NTM: variants seen among roughly 807,000 people sequenced by gnomAD.
NTM encodes IgLON family member 2.
In NTM, 13 loss-of-function variants were observed where a neutral mutation model predicts 42.1. The observed-to-expected ratio is 0.31, with a 90% CI of 0.20 to 0.49. The LOEUF is 0.49. Ranked by LOEUF, NTM falls within the 20% of genes least tolerant of loss-of-function variation. The pLI is 0.99. For missense variants in NTM, 373 were observed against 452.8 expected (o/e 0.82, Z 1.60); for synonymous variants, 187 against 179.2 (o/e 1.04, Z -0.35).
chr11:132,211,323 A>G (rs763579835), intron 3 of NTM, among the ~76,000 whole-genome samples: 1 of 152,204 alleles, frequency 6.6e-6, no homozygotes, highest in African/African-American at 2.4e-5. Context: ...TTGTTTGAGC[A>G]TGGGAGGTCA....
intron 2 of NTM, among the ~76,000 whole-genome samples, chr11:132,052,256 T>G (rs183967373): frequency 1.3e-5 from 2 of 152,344 alleles, no homozygotes; most frequent in Admixed American, 6.5e-5. Flanking sequence ...CAGGAATAAC[T>G]GACATGAATG....
intron 1 of NTM, among the ~76,000 whole-genome samples, chr11:131,608,122 C>A (rs1235895157): frequency 6.6e-6 from 1 of 152,106 alleles, no homozygotes; most frequent in East Asian, 1.9e-4. Context: ...GTTCAATTCC[C>A]ACCTATGAGT....
At chr11:131,832,627 G>C (rs1482219344) in intron 1 of NTM, among the ~76,000 whole-genome samples, 1 of 152,130 alleles carries the variant, frequency 6.6e-6, no homozygotes, top group East Asian at 1.9e-4. Context: ...GTCTGGCATT[G>C]GGGTTCTTGG....
intron 1 of NTM, among the ~76,000 whole-genome samples, chr11:131,807,247 CTT>C (rs1281289850): frequency 1.3e-5 from 2 of 152,180 alleles, no homozygotes; most frequent in African/African-American, 4.8e-5. Context: ...GGAATCCAGA[CTT>C]TATTTGATAG....
At chr11:131,892,530 T>A (rs1235532693) in intron 1 of NTM, among the ~76,000 whole-genome samples, 2 of 152,220 alleles carry the variant, frequency 1.3e-5, no homozygotes, top group Non-Finnish European at 2.9e-5. Flanking sequence ...GCCCCCTACT[T>A]TTCTCTGTGT....
At chr11:131,658,555 G>A (rs1265674981) in intron 1 of NTM, among the ~76,000 whole-genome samples, 1 of 152,220 alleles carries the variant, frequency 6.6e-6, no homozygotes, top group Non-Finnish European at 1.5e-5. Context: ...GACGAGGACG[G>A]CATGCCTTGC....
intron 2 of NTM, among the ~76,000 whole-genome samples, chr11:132,032,433 G>T (rs34533797): frequency 1.3e-5 from 2 of 152,052 alleles, no homozygotes; most frequent in South Asian, 4.2e-4. Flanking sequence ...TCTGACCCTG[G>T]CCCCTCCCTT....
chr11:132,109,311 C>T (rs1293871537), intron 2 of NTM, among the ~76,000 whole-genome samples: 1 of 152,158 alleles, frequency 6.6e-6, no homozygotes, highest in Non-Finnish European at 1.5e-5. Flanking sequence ...AATTTACACT[C>T]CCACCAACAG....
chr11:131,882,876 G>GT (rs141967247), intron 1 of NTM, among the ~76,000 whole-genome samples: 3,438 of 151,252 alleles, frequency 0.023, 234 homozygotes, highest in East Asian at 0.21. Flanking sequence ...CTACTTCACT[G>GT]TTTTTTTTTC....
At chr11:131,383,529 G>A (rs978715267) in intron 1 of NTM, among the ~76,000 whole-genome samples, 1 of 152,168 alleles carries the variant, frequency 6.6e-6, no homozygotes, top group African/African-American at 2.4e-5. Context: ...ATATGCTAAC[G>A]TCTACAGGGA....
rs1330687204 is a variant in NTM at position 132,074,133 on chromosome 11, T to C, written c.168-72149T>C. On this transcript the variant is annotated intron_variant, in intron 2 of 8. Coordinates refer to ENST00000683400, the MANE Select transcript of NTM (RefSeq NM_001352005.2). The stretch of plus-strand genomic sequence containing the variant: ...AGATAATGGGTTGTTTGGAAAACAA[T>C]ATGCAGTTCTCAGATGCCTTTCTGT... Among the ~76,000 whole-genome samples, 11 of 152,224 alleles carry C rather than the reference T, an allele frequency of 7.2e-5. No individual in the cohort carries two copies. In the East Asian group the frequency reaches 2.1e-3, roughly 29 times the overall value.
chr11:131,627,004 C>A (rs562276154), intron 1 of NTM, among the ~76,000 whole-genome samples: 7 of 152,146 alleles, frequency 4.6e-5, no homozygotes, highest in African/African-American at 1.7e-4. Flanking sequence ...TAATGAGATG[C>A]GAGGATCTGG....
At chr11:131,789,907 G>C (rs1422377608) in intron 1 of NTM, among the ~76,000 whole-genome samples, 1 of 125,352 alleles carries the variant, frequency 8.0e-6, no homozygotes, top group African/African-American at 3.1e-5. Flanking sequence ...AGTGAGCCGA[G>C]ATCGCGCCAC....
chr11:131,997,982 C>T (rs2068397829), intron 2 of NTM, among the ~76,000 whole-genome samples: 1 of 152,102 alleles, frequency 6.6e-6, no homozygotes, highest in Non-Finnish European at 1.5e-5. Context: ...CCCCTCACTC[C>T]CTGGTTCTTC....
chr11:132,211,941 C>G (rs2138669752), intron 3 of NTM, 81 bp from the exon 4 acceptor site: 1 of 1,411,374 alleles, frequency 7.1e-7, no homozygotes, highest in Non-Finnish European at 9.6e-7. Flanking sequence ...ACTCTCTGGA[C>G]TGTTCTGCCA....
At chr11:131,512,381 G>A (rs1460799132) in intron 1 of NTM, among the ~76,000 whole-genome samples, 1 of 152,132 alleles carries the variant, frequency 6.6e-6, no homozygotes, top group African/African-American at 2.4e-5. Context: ...CCCTTGCTCT[G>A]TGCTGCCCTT....
intron 8 of NTM, among the ~76,000 whole-genome samples, chr11:132,334,797 C>T (rs557568596): frequency 6.6e-6 from 1 of 151,754 alleles, no homozygotes; most frequent in East Asian, 2.0e-4. Context: ...AGGAAGAAGG[C>T]CCAGGACACT....
chr11:131,729,270 A>G (rs1310018112), intron 1 of NTM, among the ~76,000 whole-genome samples: 4 of 152,218 alleles, frequency 2.6e-5, no homozygotes, highest in Admixed American at 6.5e-5. Flanking sequence ...CCTCAGGGCC[A>G]TTAGACACAA....
intron 4 of NTM, among the ~76,000 whole-genome samples, chr11:132,239,377 G>A (rs1208896995): frequency 6.6e-6 from 1 of 152,164 alleles, no homozygotes; most frequent in African/African-American, 2.4e-5. Context: ...TAAAACTTAA[G>A]CAATCATCCC....
Sources: gnomAD v4.1 joint callset for allele counts (sites outside exome capture counted in the v4.1 genomes callset) on GRCh38, gnomAD v4.1.1 for gene constraint, MANE v1.5 for transcripts, NCBI Gene and HGNC (gene_info 2026-07-23, HGNC 2026-07-21) for gene names.